The following IQCM variants were observed in gnomAD, a reference collection of about 807,000 sequenced individuals.
IQCM encodes IQ domain-containing protein M.
In IQCM, 45 loss-of-function variants were observed where a neutral mutation model predicts 57.6. The observed-to-expected ratio is 0.78, with a 90% CI of 0.62 to 1.00. The LOEUF (loss-of-function observed/expected upper bound fraction) is 1.00. Among genes scored for constraint, IQCM ranks in the 50% least tolerant of loss-of-function variants. IQCM has a pLI of 0.00. For missense variants in IQCM, 468 were observed against 511.6 expected (o/e 0.91, Z 0.82); for synonymous variants, 148 against 158.9 (o/e 0.93, Z 0.51).
intron 2 of IQCM, among the ~76,000 whole-genome samples, chr4:149,783,603 A>C (rs561074007): frequency 1.3e-5 from 2 of 152,230 alleles, no homozygotes. Context: ...TTTGATATTC[A>C]TGTCATTATG....
chr4:149,359,419 G>A (rs1164759263), intron 13 of IQCM, among the ~76,000 whole-genome samples: 5 of 151,908 alleles, frequency 3.3e-5, no homozygotes, highest in East Asian at 1.9e-4. Flanking sequence ...CATTTTCAAT[G>A]GAAAATATTA....
intron 5 of IQCM, among the ~76,000 whole-genome samples, chr4:149,720,957 T>A (rs528096203): frequency 6.6e-6 from 1 of 152,166 alleles, no homozygotes; most frequent in Non-Finnish European, 1.5e-5. Flanking sequence ...CCACTTTTTT[T>A]ATAAATTGTT....
chr4:149,696,179 G>A (rs1035157628), intron 5 of IQCM, among the ~76,000 whole-genome samples: 18 of 152,068 alleles, frequency 1.2e-4, no homozygotes, highest in Admixed American at 2.6e-4. Flanking sequence ...TTGCTCTGTG[G>A]AAACTGCTCT....
Position 149,704,868 on chromosome 4 carries a change from A to G in IQCM, c.386-18400T>C, listed in dbSNP as rs149270826. Among the ~76,000 whole-genome samples, 1,004 of 151,998 alleles carry G rather than the reference A, an allele frequency of 6.6e-3. 5 individuals carry two copies. Among genetic ancestry groups the G allele is most frequent in the Non-Finnish European group, 0.012 (819 of 67,864 alleles). Reference sequence around the variant, plus strand: ...CAACTTCAGTCCATCAAGTAGTCAAATAAAGCAAAAAGGCAGAAGAAGGGC... The same window carrying G: ...CAACTTCAGTCCATCAAGTAGTCAAGTAAAGCAAAAAGGCAGAAGAAGGGC... On this transcript the variant is annotated intron_variant, in intron 5 of 13. Transcript: ENST00000636793.
chr4:149,416,269 T>C (rs1487245758), intron 13 of IQCM, among the ~76,000 whole-genome samples: 1 of 152,028 alleles, frequency 6.6e-6, no homozygotes, highest in African/African-American at 2.4e-5. Context: ...CTGCAGAACA[T>C]AGTGATCCTG....
At chr4:149,502,898 T>G (rs1743410687) in intron 12 of IQCM, among the ~76,000 whole-genome samples, 2 of 152,122 alleles carry the variant, frequency 1.3e-5, no homozygotes, top group Admixed American at 6.5e-5. Flanking sequence ...AGCTATGTGT[T>G]GTTCCTAAAC....
chr4:149,521,641 T>C (rs1406039665), intron 12 of IQCM, among the ~76,000 whole-genome samples: 2 of 152,232 alleles, frequency 1.3e-5, no homozygotes, highest in Non-Finnish European at 2.9e-5. Flanking sequence ...GCATAAGCTA[T>C]TACTTAAGTA....
chr4:149,576,826 C>G (rs1219642908), intron 9 of IQCM, among the ~76,000 whole-genome samples: 1 of 151,954 alleles, frequency 6.6e-6, no homozygotes, highest in East Asian at 1.9e-4. Flanking sequence ...CTGCTTTCCA[C>G]AGTGGCTGAA....
At chr4:149,716,308 A>G (rs1764992032) in intron 5 of IQCM, among the ~76,000 whole-genome samples, 2 of 152,218 alleles carry the variant, frequency 1.3e-5, no homozygotes, top group African/African-American at 4.8e-5. Context: ...AGCCCTGAGC[A>G]TGTGCACACT....
rs533799715 is a variant in IQCM at position 149,433,446 on chromosome 4, G to A, written c.1340C>T (p.Ser447Leu). The change falls in exon 13 of 14, where the codon TCG becomes TTG. Residue 447 changes from serine to leucine, a missense_variant. Ser to Leu is a moderately radical substitution (Grantham distance 145). Coordinates refer to ENST00000636793, the MANE Select transcript of IQCM (RefSeq NM_001363507.2). The part of the protein sequence containing the change: ...AHVPDSTLLK[S>L]TWLRPIVNGE... ...ATTTACTATGGGTCTCAACCAAGTC[G>A]ACTTGAGTAGTGTACTGTCAGGCAC... 1.5e-5 allele frequency: 19 copies of A among 1,226,832 alleles called. No individual in the cohort carries two copies. The South Asian group carries it at 2.9e-4, about 19-fold the overall frequency. 76.0% of individuals were successfully genotyped at this position (1,226,832 alleles called of 1,614,324 possible).
intron 12 of IQCM, among the ~76,000 whole-genome samples, chr4:149,476,554 A>G (rs536958924): frequency 6.6e-6 from 1 of 152,248 alleles, no homozygotes; most frequent in African/African-American, 2.4e-5. Flanking sequence ...AGAGACTGGG[A>G]CTATAGGCTT....
intron 12 of IQCM, among the ~76,000 whole-genome samples, chr4:149,484,501 C>T (rs897591339): frequency 6.6e-6 from 1 of 151,916 alleles, no homozygotes; most frequent in Non-Finnish European, 1.5e-5. Context: ...AGAGGCCATG[C>T]AAATACTCTC....
intron 7 of IQCM, among the ~76,000 whole-genome samples, chr4:149,634,916 T>G (rs947516692): frequency 2.6e-5 from 4 of 152,128 alleles, no homozygotes; most frequent in African/African-American, 7.2e-5. Context: ...ATTGGATGGG[T>G]GCATGGATAA....
At chr4:149,549,043 A>C (rs1186374303) in intron 11 of IQCM, among the ~76,000 whole-genome samples, 1 of 152,132 alleles carries the variant, frequency 6.6e-6, no homozygotes, top group Non-Finnish European at 1.5e-5. Flanking sequence ...TCTGTTTCTA[A>C]AGTTGGCCCC....
intron 12 of IQCM, among the ~76,000 whole-genome samples, chr4:149,528,928 T>C (rs1426893870): frequency 6.6e-6 from 1 of 152,110 alleles, no homozygotes; most frequent in Non-Finnish European, 1.5e-5. Flanking sequence ...TCTGCTGCAC[T>C]AAAGGGTCTT....
intron 12 of IQCM, among the ~76,000 whole-genome samples, chr4:149,541,718 A>T (rs958902733): frequency 5.9e-5 from 9 of 152,050 alleles, no homozygotes; most frequent in Admixed American, 2.0e-4. Context: ...GACAAAAATC[A>T]TGTCCTCAGT....
intron 12 of IQCM, among the ~76,000 whole-genome samples, chr4:149,540,506 A>G (rs1747745299): frequency 6.6e-6 from 1 of 151,958 alleles, no homozygotes; most frequent in African/African-American, 2.4e-5. Context: ...GATAGTAGCA[A>G]TAGAGATTGA....
chr4:149,797,449 A>C (rs1773208196), intron 2 of IQCM, among the ~76,000 whole-genome samples: 1 of 152,096 alleles, frequency 6.6e-6, no homozygotes, highest in Admixed American at 6.6e-5. Flanking sequence ...GGGCAAATCT[A>C]AGAGTTCTTG....
At chr4:149,614,965 A>G (rs1293231956) in intron 8 of IQCM, among the ~76,000 whole-genome samples, 5 of 152,156 alleles carry the variant, frequency 3.3e-5, no homozygotes, top group African/African-American at 4.8e-5. Context: ...ACTGACAGCT[A>G]ATTGATTACA....
Sources: allele counts gnomAD v4.1 joint callset (sites outside exome capture counted in the v4.1 genomes callset), GRCh38; gene constraint gnomAD v4.1.1; transcripts MANE v1.5; gene names NCBI Gene and HGNC (gene_info 2026-07-23, HGNC 2026-07-21).